The following AGBL1 variants were observed in gnomAD, a reference collection of about 807,000 sequenced individuals.
AGBL1 encodes the protein cytosolic carboxypeptidase 4.
Under a neutral mutation model 118.9 loss-of-function variants are expected in AGBL1, and 130 were observed. That is an observed-to-expected ratio of 1.09 (90% CI 0.95 to 1.26). The LOEUF (loss-of-function observed/expected upper bound fraction) is 1.26. Among genes scored for constraint, AGBL1 ranks in the 50% most tolerant of loss-of-function variants. AGBL1 has a pLI of 0.00. For missense variants in AGBL1, 1,584 were observed against 1,298.1 expected (o/e 1.22, Z -3.38); for synonymous variants, 555 against 478.9 (o/e 1.16, Z -2.08).
intron 21 of AGBL1, among the ~76,000 whole-genome samples, chr15:86,652,403 G>A (rs1356495762): frequency 6.6e-6 from 1 of 152,082 alleles, no homozygotes; most frequent in Admixed American, 6.6e-5. Flanking sequence ...AGGCTTTAAT[G>A]TTCGAGGCCA....
intron 23 of AGBL1, among the ~76,000 whole-genome samples, chr15:86,945,388 C>T (rs902667038): frequency 6.6e-6 from 1 of 151,994 alleles, no homozygotes; most frequent in Admixed American, 6.6e-5. Context: ...AAAAAACCAG[C>T]CGGGCACAGT....
chr15:86,405,773 A>G lies in AGBL1; in HGVS notation c.2555+8227A>G, dbSNP rs149126939. ...AAAATAAGACTTAATATAAGGAATT[A>G]GTACAAATCTAATACAAGGTTCGCG... On this transcript the variant is annotated intron_variant, in intron 18 of 22. Coordinates refer to ENST00000614907, the MANE Select transcript of AGBL1 (RefSeq NM_001386094.1). Among the ~76,000 whole-genome samples the G allele has an allele frequency of 4.8e-3, 734 of 152,346 alleles. 4 individuals are homozygous for G. The highest frequency in any genetic ancestry group is 0.017 in the African/African-American group (700 of 41,592).
intron 17 of AGBL1, among the ~76,000 whole-genome samples, chr15:86,333,641 C>T (rs1396509381): frequency 6.6e-6 from 1 of 152,088 alleles, no homozygotes; most frequent in African/African-American, 2.4e-5. Flanking sequence ...TGAAACTATT[C>T]CAAAAAAATC....
chr15:86,486,629 G>T (rs541724911), intron 18 of AGBL1, among the ~76,000 whole-genome samples: 81 of 152,186 alleles, frequency 5.3e-4, no homozygotes, highest in African/African-American at 1.9e-3. Flanking sequence ...AAGAACTTGA[G>T]AATTGTGATG....
Position 86,174,928 on chromosome 15 carries a change from G to A in AGBL1, c.488+15902G>A, listed in dbSNP as rs144449586. Among the ~76,000 whole-genome samples, 388 of 152,006 alleles carry A rather than the reference G, an allele frequency of 2.6e-3. 4 individuals carry two copies. Among genetic ancestry groups the A allele is most frequent in the African/African-American group, 8.6e-3 (355 of 41,504 alleles). On this transcript the variant is annotated intron_variant, in intron 5 of 22. Coordinates refer to ENST00000614907, the MANE Select transcript of AGBL1 (RefSeq NM_001386094.1). ...TTGCTATATTTTGTTGAGGACTTTT[G>A]CATCTATGTTCATTAGGGATATTGA...
chr15:86,359,483 C>T (rs2080772215), intron 17 of AGBL1, among the ~76,000 whole-genome samples: 2 of 146,670 alleles, frequency 1.4e-5, no homozygotes, highest in East Asian at 4.0e-4. Flanking sequence ...GTAGTGCCTC[C>T]AACTTTTCAT....
chr15:86,220,614 G>C (rs536849775), intron 5 of AGBL1, among the ~76,000 whole-genome samples: 2 of 152,194 alleles, frequency 1.3e-5, no homozygotes, highest in African/African-American at 4.8e-5. Context: ...GAGAGTGGAC[G>C]TGAACTGTGA....
At chr15:86,985,703 T>C (rs1008275795) in intron 23 of AGBL1, among the ~76,000 whole-genome samples, 1 of 152,196 alleles carries the variant, frequency 6.6e-6, no homozygotes, top group African/African-American at 2.4e-5. Flanking sequence ...CCAGTGGTGG[T>C]ATTCAAAGGA....
intron 17 of AGBL1, among the ~76,000 whole-genome samples, chr15:86,364,463 C>T (rs1596019151): frequency 6.6e-6 from 1 of 152,136 alleles, no homozygotes; most frequent in Non-Finnish European, 1.5e-5. Context: ...ATTGGCTTAT[C>T]ACCTACTCGT....
chr15:86,342,093 T>A (rs2080469987), intron 17 of AGBL1, among the ~76,000 whole-genome samples: 1 of 152,164 alleles, frequency 6.6e-6, no homozygotes, highest in Admixed American at 6.5e-5. Context: ...AGATGAACGC[T>A]TTCTCAATTT....
At chr15:86,789,486 G>T (rs1170800098) in intron 22 of AGBL1, among the ~76,000 whole-genome samples, 1 of 152,110 alleles carries the variant, frequency 6.6e-6, no homozygotes, top group Non-Finnish European at 1.5e-5. Context: ...CCATTGAGGG[G>T]GACAAACAGC....
At chr15:86,455,939 C>T (rs2082253591) in intron 18 of AGBL1, among the ~76,000 whole-genome samples, 1 of 152,130 alleles carries the variant, frequency 6.6e-6, no homozygotes, top group Non-Finnish European at 1.5e-5. Context: ...CCCATCCATC[C>T]ATCGTTCCAT....
At chr15:86,198,686 G>C (rs2077855720) in intron 5 of AGBL1, among the ~76,000 whole-genome samples, 1 of 151,418 alleles carries the variant, frequency 6.6e-6, no homozygotes, top group Non-Finnish European at 1.5e-5. Context: ...CTCTCTTTCT[G>C]TGTGTGTGTA....
intron 9 of AGBL1, among the ~76,000 whole-genome samples, chr15:86,258,692 G>C (rs1048640167): frequency 5.9e-5 from 9 of 152,088 alleles, no homozygotes; most frequent in Admixed American, 3.9e-4. Flanking sequence ...TAAACAAATG[G>C]GCATGGCTGT....
At position 86,794,519 on chromosome 15, in the gene AGBL1, G is replaced by C. The variant is rs993335938; in HGVS notation, c.3159-112568G>C. 3.9e-5 allele frequency among the ~76,000 whole-genome samples: 6 copies of C among 152,230 alleles called. No individual in the cohort carries two copies. In the South Asian group the frequency reaches 6.2e-4, roughly 16 times the overall value. Reference sequence around the variant, plus strand: ...TTAGAGTAATGATGTTCTAGAATTAGATAGTGGCGGATAATTGCAAAGCAT... The same window carrying C: ...TTAGAGTAATGATGTTCTAGAATTACATAGTGGCGGATAATTGCAAAGCAT... On this transcript the variant is annotated intron_variant, in intron 22 of 22. Transcript: ENST00000614907.
intron 23 of AGBL1, among the ~76,000 whole-genome samples, chr15:86,977,693 T>C (rs532999184): frequency 1.3e-5 from 2 of 152,148 alleles, no homozygotes; most frequent in African/African-American, 4.8e-5. Context: ...ATTTAGTATG[T>C]AATTAATTAC....
intron 22 of AGBL1, among the ~76,000 whole-genome samples, chr15:86,863,909 A>G (rs1326537386): frequency 1.3e-5 from 2 of 152,212 alleles, no homozygotes; most frequent in South Asian, 2.1e-4. Context: ...TGTTACGTGA[A>G]GTAGATGTTA....
chr15:86,348,528 C>G (rs778006242), intron 17 of AGBL1, among the ~76,000 whole-genome samples: 1 of 152,166 alleles, frequency 6.6e-6, no homozygotes, highest in Non-Finnish European at 1.5e-5. Context: ...GCCTGTAATT[C>G]CAGCACTTTG....
chr15:86,310,655 C>T (rs929452626), intron 17 of AGBL1, among the ~76,000 whole-genome samples: 1 of 152,018 alleles, frequency 6.6e-6, no homozygotes, highest in African/African-American at 2.4e-5. Flanking sequence ...GAACGAGCAC[C>T]TCTACTGAGG....
Sources: gnomAD v4.1 joint callset for allele counts (sites outside exome capture counted in the v4.1 genomes callset) on GRCh38, gnomAD v4.1.1 for gene constraint, MANE v1.5 for transcripts, NCBI Gene and HGNC (gene_info 2026-07-23, HGNC 2026-07-21) for gene names.